Variants in TLK1 observed in about 807,000 individuals in gnomAD.
The protein encoded by TLK1 is serine/threonine-protein kinase tousled-like 1.
TLK1 carries 24 observed loss-of-function variants against 105.3 expected under a neutral mutation model. That is an observed-to-expected ratio of 0.23 (90% CI 0.17 to 0.32). TLK1 has a LOEUF of 0.32. Among genes scored for constraint, TLK1 ranks in the 10% least tolerant of loss-of-function variants. The pLI, the probability that TLK1 is intolerant of heterozygous loss-of-function variation, is 1.00. For missense variants in TLK1, 558 were observed against 910.5 expected (o/e 0.61, Z 4.98); for synonymous variants, 321 against 310.4 (o/e 1.03, Z -0.36).
intron 11 of TLK1, 30 bp from the exon 12 acceptor site, chr2:171,028,435 ATT>A (rs771029249): frequency 2.9e-6 from 4 of 1,366,800 alleles, no homozygotes; most frequent in Non-Finnish European, 3.1e-6. Flanking sequence ...AATTCTACAT[ATT>A]GAGATTAATA....
chr2:171,068,305 G>A (rs1192648029), intron 3 of TLK1, among the ~76,000 whole-genome samples: 1 of 151,958 alleles, frequency 6.6e-6, no homozygotes, highest in Non-Finnish European at 1.5e-5. Flanking sequence ...CTCCAGCCTG[G>A]GCAACAAGAG....
At chr2:171,168,791 A>G (rs1692662839) in intron 1 of TLK1, among the ~76,000 whole-genome samples, 1 of 152,216 alleles carries the variant, frequency 6.6e-6, no homozygotes, top group Non-Finnish European at 1.5e-5. Context: ...TTATTCTGGA[A>G]GTGTGTGCTC....
intron 2 of TLK1, among the ~76,000 whole-genome samples, chr2:171,103,003 C>T (rs565200960): frequency 2.6e-5 from 4 of 151,978 alleles, no homozygotes; most frequent in Admixed American, 1.3e-4. Context: ...TTACATACAG[C>T]GGTGAGATAA....
intron 1 of TLK1, among the ~76,000 whole-genome samples, chr2:171,188,648 A>G (rs1417210309): frequency 2.0e-5 from 3 of 150,334 alleles, no homozygotes; most frequent in African/African-American, 7.3e-5. Context: ...CAGAGGTTGC[A>G]GTGAGCCAAG....
intron 1 of TLK1, among the ~76,000 whole-genome samples, chr2:171,222,339 A>G (rs548386549): frequency 6.6e-6 from 1 of 152,056 alleles, no homozygotes; most frequent in South Asian, 2.1e-4. Context: ...TTATTTATTT[A>G]TTTATTTATT....
intron 18 of TLK1, among the ~76,000 whole-genome samples, chr2:171,005,132 T>C (rs1269762467): frequency 1.3e-5 from 2 of 152,240 alleles, no homozygotes; most frequent in East Asian, 3.9e-4. Context: ...TTGAACGCAG[T>C]TATCTTTCTT....
chr2:171,167,835 C>A (rs1575644186), intron 1 of TLK1, among the ~76,000 whole-genome samples: 1 of 152,102 alleles, frequency 6.6e-6, no homozygotes, highest in Admixed American at 6.5e-5. Context: ...CCTCCAAGGA[C>A]ATGGTATTAT....
intron 5 of TLK1, among the ~76,000 whole-genome samples, chr2:171,057,289 A>C (rs1052204356): frequency 1.3e-5 from 2 of 152,068 alleles, no homozygotes; most frequent in African/African-American, 2.4e-5. Flanking sequence ...CTTTACTTAC[A>C]TGAACAGCAC....
At chr2:171,147,630 G>A (rs1691842661) in intron 1 of TLK1, among the ~76,000 whole-genome samples, 1 of 152,122 alleles carries the variant, frequency 6.6e-6, no homozygotes, top group Non-Finnish European at 1.5e-5. Context: ...AAAGAATAGG[G>A]ACCAAATACT....
intron 12 of TLK1, among the ~76,000 whole-genome samples, chr2:171,026,143 A>G (rs1016797408): frequency 1.3e-5 from 2 of 152,182 alleles, no homozygotes; most frequent in Admixed American, 6.5e-5. Flanking sequence ...AAAAGCTAGG[A>G]AAAAAAGCAG....
chr2:171,111,519 A>G (rs1690165071), intron 2 of TLK1, among the ~76,000 whole-genome samples: 1 of 150,032 alleles, frequency 6.7e-6, no homozygotes, highest in Non-Finnish European at 1.5e-5. Flanking sequence ...TGGGAGGCAT[A>G]GGTTGCAGTG....
intron 1 of TLK1, among the ~76,000 whole-genome samples, chr2:171,169,094 T>G (rs1254109791): frequency 6.6e-6 from 1 of 152,002 alleles, no homozygotes; most frequent in African/African-American, 2.4e-5. Context: ...AAAAAAAAAT[T>G]TGTTTTTTGA....
intron 3 of TLK1, among the ~76,000 whole-genome samples, chr2:171,081,971 C>T (rs1558931119): frequency 6.6e-6 from 1 of 151,562 alleles, no homozygotes; most frequent in Non-Finnish European, 1.5e-5. Flanking sequence ...AAAGTCTATA[C>T]TAATCAAGTA....
chr2:171,148,815 G>A (rs1191879989), intron 1 of TLK1, among the ~76,000 whole-genome samples: 1 of 150,518 alleles, frequency 6.6e-6, no homozygotes, highest in Non-Finnish European at 1.5e-5. Flanking sequence ...TGGAGGCAGA[G>A]GATGCAGTGA....
intron 12 of TLK1, 35 bp from the exon 13 acceptor site, chr2:171,014,983 A>G (rs769958252): frequency 2.0e-6 from 3 of 1,464,760 alleles, no homozygotes; most frequent in South Asian, 1.1e-5. Context: ...AACAAGCTCA[A>G]TTTATTTGCG....
At chr2:171,180,638 T>A (rs1692911999) in intron 1 of TLK1, among the ~76,000 whole-genome samples, 1 of 152,194 alleles carries the variant, frequency 6.6e-6, no homozygotes, top group Admixed American at 6.5e-5. Flanking sequence ...ATTTGCTCTG[T>A]GTGAAGCTTT....
At position 171,103,485 on chromosome 2, in the gene TLK1, G is replaced by A. The variant is rs749240247; in HGVS notation, c.258+14254C>T. On this transcript the variant is annotated intron_variant, in intron 2 of 20. Transcript: ENST00000431350. The stretch of plus-strand genomic sequence containing the variant: ...TTGAACTCCTGGCCTCAAGTGATCC[G>A]CCTGCCTCAGCCTCCCAAAGTGGTG... 1.4e-3 allele frequency among the ~76,000 whole-genome samples: 213 copies of A among 151,796 alleles called. 1 individual carries two copies. The highest frequency in any genetic ancestry group is 2.2e-3 in the Non-Finnish European group (150 of 67,896).
chr2:171,089,244 G>A (rs1161368890), intron 2 of TLK1, among the ~76,000 whole-genome samples: 4 of 152,170 alleles, frequency 2.6e-5, no homozygotes, highest in African/African-American at 9.7e-5. Context: ...TGAATCTATG[G>A]TTTGCCTTTT....
At chr2:171,100,850 T>C (rs1689659302) in intron 2 of TLK1, among the ~76,000 whole-genome samples, 1 of 151,974 alleles carries the variant, frequency 6.6e-6, no homozygotes, top group Non-Finnish European at 1.5e-5. Context: ...AAAACATATG[T>C]CTACAAAAAA....
Sources: gnomAD v4.1 joint callset for allele counts (sites outside exome capture counted in the v4.1 genomes callset) on GRCh38, gnomAD v4.1.1 for gene constraint, MANE v1.5 for transcripts, NCBI Gene and HGNC (gene_info 2026-07-23, HGNC 2026-07-21) for gene names.